SMCHD1: variants seen among roughly 807,000 people sequenced by gnomAD.
SMCHD1 encodes the protein structural maintenance of chromosomes flexible hinge domain-containing protein 1.
SMCHD1 carries 78 observed loss-of-function variants against 254.7 expected under a neutral mutation model. The ratio of observed to expected loss-of-function variants is 0.31; its 90% confidence interval spans 0.26 to 0.37. The LOEUF is 0.37. SMCHD1 is among the 10% of genes least tolerant of loss of function. The pLI, the probability that SMCHD1 is intolerant of heterozygous loss-of-function variation, is 1.00. For missense variants in SMCHD1, 1,840 were observed against 2,408.1 expected (o/e 0.76, Z 4.94); for synonymous variants, 766 against 794.9 (o/e 0.96, Z 0.61).
In SMCHD1 at chr18:2,767,850, A is replaced by T. The variant is rs112082270; in HGVS notation, c.4720-1844A>T. Among the ~76,000 whole-genome samples the T allele has an allele frequency of 9.2e-3, 1,406 of 152,246 alleles. 9 individuals carry two copies. Among genetic ancestry groups the T allele is most frequent in the South Asian group, 0.02 (95 of 4,814 alleles). ...GACGATCCACCCACCTCGGCCTCCC[A>T]AAGTGCTGGGATTGTAGGCATGAGC... On this transcript the variant is annotated intron_variant, in intron 37 of 47. Transcript: ENST00000320876.
intron 5 of SMCHD1, among the ~76,000 whole-genome samples, chr18:2,686,289 G>A (rs606053): frequency 0.83 from 126,018 of 152,170 alleles, 55,430 homozygotes; most frequent in East Asian, 1. Context: ...AGGAAATGCT[G>A]CTGGAACATT....
chr18:2,709,612 C>A (rs2143283285), intron 17 of SMCHD1, among the ~76,000 whole-genome samples: 1 of 152,134 alleles, frequency 6.6e-6, no homozygotes, highest in South Asian at 2.1e-4. Flanking sequence ...GTTTTTTCCC[C>A]CCTTTTTCCT....
chr18:2,760,776 A>G, intron 35 of SMCHD1, 37 bp downstream of exon 35: 1 of 1,269,634 alleles, frequency 7.9e-7, no homozygotes, highest in Middle Eastern at 1.9e-4. Context: ...AGTTAGCTTT[A>G]CATTTTCTTT....
intron 7 of SMCHD1, among the ~76,000 whole-genome samples, chr18:2,694,164 T>C (rs2074240560): frequency 6.6e-6 from 1 of 152,294 alleles, no homozygotes; most frequent in African/African-American, 2.4e-5. Flanking sequence ...CCAAGTTAAG[T>C]GGTAGGTCTC....
chr18:2,686,882 A>G (rs77205787), intron 5 of SMCHD1, among the ~76,000 whole-genome samples: 3,706 of 151,922 alleles, frequency 0.024, 144 homozygotes, highest in African/African-American at 0.085. Flanking sequence ...TACCAATTAA[A>G]ATGTTTTTGT....
At chr18:2,670,929 A>C (rs1192198133) in intron 3 of SMCHD1, among the ~76,000 whole-genome samples, 1 of 147,650 alleles carries the variant, frequency 6.8e-6, no homozygotes, top group Non-Finnish European at 1.5e-5. Context: ...AATTGAGTGA[A>C]TCTTTTAATT....
chr18:2,745,792 C>T (rs148549391), intron 29 of SMCHD1, among the ~76,000 whole-genome samples: 1,536 of 152,048 alleles, frequency 0.01, 21 homozygotes, highest in African/African-American at 0.035. Context: ...CGTAATAATC[C>T]AGAAATTTAA....
intron 40 of SMCHD1, 28 bp downstream of exon 40, chr18:2,771,646 T>C: frequency 2.2e-6 from 3 of 1,378,722 alleles, no homozygotes; most frequent in Non-Finnish European, 2.8e-6. Flanking sequence ...ACGTGAAAGA[T>C]TTTTTATTAA....
intron 22 of SMCHD1, among the ~76,000 whole-genome samples, chr18:2,727,446 C>T (rs1011975424): frequency 6.6e-6 from 1 of 152,046 alleles, no homozygotes; most frequent in African/African-American, 2.4e-5. Context: ...AGAAAAAAAT[C>T]ATACGTATCA....
intron 25 of SMCHD1, among the ~76,000 whole-genome samples, chr18:2,732,959 A>G (rs576399376): frequency 6.6e-6 from 1 of 152,364 alleles, no homozygotes; most frequent in African/African-American, 2.4e-5. Flanking sequence ...TGATCCTTAG[A>G]AAAGAGTTTT....
chr18:2,731,712 T>C (rs906733645), intron 24 of SMCHD1, among the ~76,000 whole-genome samples: 36 of 152,042 alleles, frequency 2.4e-4, no homozygotes, highest in African/African-American at 8.7e-4. Context: ...TTAAAGAAAC[T>C]TGGAAATAAG....
chr18:2,788,268 T>C (rs747654521), intron 45 of SMCHD1, among the ~76,000 whole-genome samples: 55 of 152,144 alleles, frequency 3.6e-4, no homozygotes, highest in Non-Finnish European at 7.5e-4. Context: ...GAAAAAAAAA[T>C]TACTGGACAT....
intron 17 of SMCHD1, among the ~76,000 whole-genome samples, chr18:2,714,301 C>A (rs2074747594): frequency 6.6e-6 from 1 of 152,066 alleles, no homozygotes; most frequent in Admixed American, 6.6e-5. Context: ...CTCTTGCTCA[C>A]TTTTGGTTTC....
At chr18:2,773,699 A>G (rs1443812257) in intron 41 of SMCHD1, among the ~76,000 whole-genome samples, 2 of 152,200 alleles carry the variant, frequency 1.3e-5, no homozygotes, top group Non-Finnish European at 2.9e-5. Flanking sequence ...AGACAGGCGC[A>G]TTACCTGAGG....
chr18:2,703,736 G>A lies in SMCHD1; in HGVS notation c.1692G>A (p.Lys564=). The A allele has an allele frequency of 6.2e-7, 1 of 1,610,416 alleles. No individual in the cohort carries two copies. Among genetic ancestry groups the A allele is most frequent in the East Asian group, 2.2e-5 (1 of 44,724 alleles). ...ACAGAGAATTTGCTTTGTGGCTGAA[G>A]GACTGTCATGAGAAGTATGATAAAC... ...KIDREFALWL[K]DCHEKYDKQI... is the part of the protein sequence containing the mutation. The change falls in exon 13 of 48, where the codon AAG becomes AAA. Residue 564 remains lysine, a synonymous_variant. Transcript: ENST00000320876.
In SMCHD1 at chr18:2,674,825, C is replaced by A. The variant is rs186620387; in HGVS notation, c.638+680C>A. Among the ~76,000 whole-genome samples the A allele has an allele frequency of 3.6e-3, 545 of 152,292 alleles. 5 individuals are homozygous for A. Among genetic ancestry groups the A allele is most frequent in the Non-Finnish European group, 4.2e-3 (286 of 68,020 alleles). On this transcript the variant is annotated intron_variant, in intron 5 of 47. Transcript: ENST00000320876. ...CTAAATAGTTGGTGTCTGTTCATAA[C>A]CTGCTTTGTTCTTTACCTTGTCAAG...
intron 3 of SMCHD1, among the ~76,000 whole-genome samples, chr18:2,671,483 T>C (rs978302915): frequency 1.3e-5 from 2 of 151,954 alleles, no homozygotes; most frequent in African/African-American, 4.8e-5. Flanking sequence ...CTTGCCTTGA[T>C]TTCTGTGACT....
intron 22 of SMCHD1, 183 bp downstream of exon 22, chr18:2,726,707 G>C (rs572293971): frequency 3.3e-6 from 1 of 301,068 alleles, no homozygotes; most frequent in South Asian, 6.8e-5. Flanking sequence ...TTAGGAAGAT[G>C]TTATTGACAT....
At position 2,655,984 on chromosome 18, in the gene SMCHD1, G is replaced by C. The variant is rs1278465013; in HGVS notation, c.-92G>C. ...CGGGCCGAGGCCTCGAGCCGCCCCG[G>C]GAGCTGGAGCTGAAGGCGCCGCGCG... On this transcript the variant is annotated 5_prime_UTR_variant, in exon 1 of 48. Coordinates refer to ENST00000320876, the MANE Select transcript of SMCHD1 (RefSeq NM_015295.3). 3 of 1,101,622 alleles carry C rather than the reference G, an allele frequency of 2.7e-6. No individual in the cohort carries two copies. Among genetic ancestry groups the C allele is most frequent in the Non-Finnish European group, 3.5e-6 (3 of 867,730 alleles). 68.2% of individuals were successfully genotyped at this position (1,101,622 alleles called of 1,614,324 possible).
Sources: gnomAD v4.1 joint callset for allele counts (sites outside exome capture counted in the v4.1 genomes callset) on GRCh38, gnomAD v4.1.1 for gene constraint, MANE v1.5 for transcripts, NCBI Gene and HGNC (gene_info 2026-07-23, HGNC 2026-07-21) for gene names.